KLF8: variants seen among roughly 807,000 people sequenced by gnomAD.
The protein encoded by KLF8 is KLF transcription factor 8, also known as Krueppel-like factor 8.
Under a neutral mutation model 18.2 loss-of-function variants are expected in KLF8, and 10 were observed. The observed-to-expected ratio is 0.55, with a 90% CI of 0.34 to 0.93. KLF8 has a LOEUF of 0.93. Ranked by LOEUF, KLF8 falls within the 40% of genes least tolerant of loss-of-function variation. The pLI, the probability that KLF8 is intolerant of heterozygous loss-of-function variation, is 0.02. For missense variants in KLF8, 264 were observed against 277.9 expected (o/e 0.95, Z 0.36); for synonymous variants, 109 against 97.3 (o/e 1.12, Z -0.71).
At chrX:56,255,500 G>A (rs748366398) in intron 2 of KLF8, among the ~76,000 whole-genome samples, 2 of 112,410 alleles carry the variant, frequency 1.8e-5, no homozygotes, top group East Asian at 5.6e-4. Flanking sequence ...GGTCTTAGAG[G>A]AAAGGCTTTC....
chrX:55,948,196 T>A, the KLF8 span, among the ~76,000 whole-genome samples: 1 of 112,253 alleles, frequency 8.9e-6, no homozygotes, highest in African/African-American at 3.2e-5. Flanking sequence ...ACACTAGAAG[T>A]TGTTAATGTA....
the KLF8 span, among the ~76,000 whole-genome samples, chrX:56,028,595 G>A: frequency 9.0e-6 from 1 of 111,516 alleles, no homozygotes; most frequent in African/African-American, 3.3e-5. Flanking sequence ...TCCACGTACT[G>A]GAGCAAGACG....
At chrX:56,175,403 G>A in the KLF8 span, among the ~76,000 whole-genome samples, 1 of 111,841 alleles carries the variant, frequency 8.9e-6, no homozygotes, top group Non-Finnish European at 1.9e-5. Context: ...GTAGTTGAGT[G>A]GCTTTGAGTG....
chrX:55,972,040 T>C, the KLF8 span, among the ~76,000 whole-genome samples: 8 of 111,200 alleles, frequency 7.2e-5, no homozygotes, highest in Non-Finnish European at 3.8e-5. Context: ...CACTTCTAGA[T>C]ATATACCCAA....
At chrX:56,221,035 G>C in the KLF8 span, among the ~76,000 whole-genome samples, 1 of 111,229 alleles carries the variant, frequency 9.0e-6, no homozygotes, top group African/African-American at 3.3e-5. Context: ...TTATATTCTC[G>C]GCAAAATAAT....
Position 56,291,234 on chromosome X carries a change from A to G in KLF8, c.*6740A>G, listed in dbSNP as rs1349690969. Among the ~76,000 whole-genome samples the G allele has an allele frequency of 8.9e-6, 1 of 111,878 alleles. No individual in the cohort carries two copies. Among genetic ancestry groups the G allele is most frequent in the African/African-American group, 3.2e-5 (1 of 30,797 alleles). On this transcript the variant is annotated 3_prime_UTR_variant, in exon 6 of 6. Transcript: ENST00000468660. Reference sequence around the variant, plus strand: ...TCTGTAACTCTTATGTTTGTGCCCCATTATTTTAGTGCTTTAGAGCAACAC... The same window carrying G: ...TCTGTAACTCTTATGTTTGTGCCCCGTTATTTTAGTGCTTTAGAGCAACAC...
At chrX:56,228,675 G>C (rs2066383556), upstream of KLF8, among the ~76,000 whole-genome samples, 1 of 111,720 alleles carries the variant, frequency 9.0e-6, no homozygotes, top group Non-Finnish European at 1.9e-5. Context: ...TTTGCTGGCA[G>C]TAACCTTAGT....
At chrX:56,074,108 ATCT>A in the KLF8 span, among the ~76,000 whole-genome samples, 1 of 111,726 alleles carries the variant, frequency 9.0e-6, no homozygotes, top group African/African-American at 3.2e-5. Flanking sequence ...TTGGAAAAAA[ATCT>A]TCTCAAGATT....
At chrX:56,083,236 T>C in the KLF8 span, among the ~76,000 whole-genome samples, 21 of 112,308 alleles carry the variant, frequency 1.9e-4, no homozygotes, top group African/African-American at 6.5e-4. Context: ...ACGTATTATA[T>C]GTAAACATTT....
At chrX:56,176,731 C>G in the KLF8 span, among the ~76,000 whole-genome samples, 1 of 111,768 alleles carries the variant, frequency 8.9e-6, no homozygotes, top group African/African-American at 3.3e-5. Context: ...CTGTCACTTT[C>G]AAGTACACCA....
chrX:56,176,341 T>A, the KLF8 span, among the ~76,000 whole-genome samples: 3,081 of 111,671 alleles, frequency 0.028, 122 homozygotes, highest in African/African-American at 0.095. Flanking sequence ...GTAAAGCATT[T>A]TATTTCTCCT....
At chrX:55,937,841 A>C in the KLF8 span, among the ~76,000 whole-genome samples, 3 of 111,934 alleles carry the variant, frequency 2.7e-5, no homozygotes, top group Admixed American at 1.9e-4. Context: ...ATAAAAAGAA[A>C]TGAGCAAAGC....
Position 56,265,750 on chromosome X carries a change from T to C in KLF8, c.646+6T>C. The C allele has an allele frequency of 8.4e-7, 1 of 1,192,616 alleles. No individual in the cohort carries two copies. Among genetic ancestry groups the C allele is most frequent in the South Asian group, 1.8e-5 (1 of 56,040 alleles). ...TGGTAAAAATGCTGGATCAGGTAAGTAACAATATTGCCTCTTTCCTGGCCT... is the reference window on the plus strand; with the variant it reads ...TGGTAAAAATGCTGGATCAGGTAAGCAACAATATTGCCTCTTTCCTGGCCT... On this transcript the variant is annotated splice_donor_region_variant and intron_variant, in intron 3 of 5. Transcript: ENST00000468660.
At chrX:56,033,332 G>A in the KLF8 span, among the ~76,000 whole-genome samples, 2 of 111,247 alleles carry the variant, frequency 1.8e-5, no homozygotes, top group African/African-American at 3.3e-5. Context: ...TTTTATCCAC[G>A]GTGTCGCAAA....
the KLF8 span, among the ~76,000 whole-genome samples, chrX:56,051,233 C>G: frequency 1.8e-5 from 2 of 111,394 alleles, no homozygotes; most frequent in African/African-American, 6.5e-5. Context: ...ATTTGCCAGT[C>G]TGTGTCTTTT....
chrX:56,235,500 T>A (rs2066463346), intron 1 of KLF8, among the ~76,000 whole-genome samples: 1 of 106,466 alleles, frequency 9.4e-6, no homozygotes, highest in African/African-American at 3.5e-5. Flanking sequence ...TGCCGCAACC[T>A]TCGCCTCCCA....
the KLF8 span, among the ~76,000 whole-genome samples, chrX:56,041,812 C>T: frequency 9.0e-6 from 1 of 111,390 alleles, no homozygotes; most frequent in African/African-American, 3.3e-5. Context: ...GCCTCAGCCT[C>T]CCGAATAGCT....
chrX:56,180,412 C>T, the KLF8 span, among the ~76,000 whole-genome samples: 1 of 111,155 alleles, frequency 9.0e-6, no homozygotes, highest in African/African-American at 3.3e-5. Flanking sequence ...TTTCCAAAAA[C>T]CCTCTGGATT....
At chrX:55,985,650 T>TC in the KLF8 span, among the ~76,000 whole-genome samples, 1 of 110,820 alleles carries the variant, frequency 9.0e-6, no homozygotes, top group East Asian at 2.8e-4. Context: ...GTTTTTTTTT[T>TC]TTCTAATTTT....
Sources: allele counts gnomAD v4.1 joint callset (sites outside exome capture counted in the v4.1 genomes callset), GRCh38; gene constraint gnomAD v4.1.1; transcripts MANE v1.5; gene names NCBI Gene and HGNC (gene_info 2026-07-23, HGNC 2026-07-21).